FABP12: variants seen among roughly 807,000 people sequenced by gnomAD.
FABP12 encodes the protein fatty acid-binding protein 12.
Under a neutral mutation model 13.7 loss-of-function variants are expected in FABP12, and 19 were observed. The observed-to-expected ratio is 1.39, with a 90% CI of 0.97 to 2.04. FABP12 has a LOEUF of 2.04. FABP12 is among the 30% of genes most tolerant of loss of function. The pLI is 0.00. For synonymous variants in FABP12, 61 were observed against 57.0 expected, an observed-to-expected ratio of 1.07 and a Z score of -0.32; for missense variants, 182 against 164.2, an observed-to-expected ratio of 1.11 and a Z score of -0.59.
At chr8:81,549,536 C>G (rs1209514109) in intron 1 of FABP12, among the ~76,000 whole-genome samples, 1 of 152,124 alleles carries the variant, frequency 6.6e-6, no homozygotes, top group Non-Finnish European at 1.5e-5. Context: ...GAAAGAGAAG[C>G]AGCTACGTAG....
chr8:81,552,926 T>C (rs1490778837), intron 1 of FABP12, among the ~76,000 whole-genome samples: 2 of 152,182 alleles, frequency 1.3e-5, no homozygotes, highest in African/African-American at 2.4e-5. Flanking sequence ...AGTCATGTTT[T>C]AGATATGTTT....
At chr8:81,579,931 T>C (rs1810129297) in intron 1 of FABP12, among the ~76,000 whole-genome samples, 1 of 152,258 alleles carries the variant, frequency 6.6e-6, no homozygotes, top group Non-Finnish European at 1.5e-5. Context: ...TCTTATGAGC[T>C]ATTTTTACAA....
chr8:81,564,184 A>G (rs1421531448), intron 1 of FABP12, among the ~76,000 whole-genome samples: 1 of 152,200 alleles, frequency 6.6e-6, no homozygotes, highest in Non-Finnish European at 1.5e-5. Context: ...TCCAGCAAAA[A>G]TATCCTTCAA....
At chr8:81,556,879 CTTTTTTTTT>C (rs11338781) in intron 1 of FABP12, among the ~76,000 whole-genome samples, 135 of 109,266 alleles carry the variant, frequency 1.2e-3, no homozygotes, top group African/African-American at 5.0e-3. Context: ...AAGTGTACAT[CTTTTTTTTT>C]TTTTTTTTTT....
intron 1 of FABP12, among the ~76,000 whole-genome samples, chr8:81,554,754 G>A (rs1032241469): frequency 5.9e-5 from 9 of 151,880 alleles, no homozygotes; most frequent in African/African-American, 2.2e-4. Flanking sequence ...AAGAAGAATT[G>A]TCTCGGGCTA....
chr8:81,562,526 A>G (rs181315006), intron 1 of FABP12, among the ~76,000 whole-genome samples: 177 of 152,224 alleles, frequency 1.2e-3, no homozygotes, highest in African/African-American at 4.0e-3. Flanking sequence ...CCTGCCCTGG[A>G]CCAGTCAGGA....
chr8:81,580,513 A>C (rs538013991), intron 1 of FABP12, among the ~76,000 whole-genome samples: 1 of 152,278 alleles, frequency 6.6e-6, no homozygotes, highest in South Asian at 2.1e-4. Context: ...ATTTCTACAC[A>C]GGGTAAACAG....
exon 4 of FABP12, chr8:81,527,070 C>T (rs779067892): frequency 3.1e-6 from 5 of 1,612,296 alleles, no homozygotes; most frequent in South Asian, 1.1e-5. Context: ...GTTTCTTTGC[C>T]ATCCCAGTCC....
intron 1 of FABP12, among the ~76,000 whole-genome samples, chr8:81,562,477 C>T (rs1186764772): frequency 6.6e-6 from 1 of 152,152 alleles, no homozygotes; most frequent in East Asian, 1.9e-4. Flanking sequence ...TCTTGGGGTT[C>T]CCAATTCTAG....
intron 1 of FABP12, among the ~76,000 whole-genome samples, chr8:81,533,454 C>T (rs758648581): frequency 2.8e-4 from 43 of 152,302 alleles, no homozygotes; most frequent in Non-Finnish European, 5.3e-4. Flanking sequence ...GCTTTTCAGA[C>T]GATTCGCTTC....
intron 1 of FABP12, among the ~76,000 whole-genome samples, chr8:81,560,518 G>A (rs951003994): frequency 2.0e-5 from 3 of 152,098 alleles, no homozygotes; most frequent in Non-Finnish European, 1.5e-5. Flanking sequence ...TCTAAATACT[G>A]GACAGGCCAT....
At chr8:81,541,007 A>G (rs1809327453) in intron 1 of FABP12, among the ~76,000 whole-genome samples, 1 of 151,970 alleles carries the variant, frequency 6.6e-6, no homozygotes, top group African/African-American at 2.4e-5. Context: ...CTCTACTAAA[A>G]ATACAAAAAA....
At chr8:81,565,435 T>C (rs934258931) in intron 1 of FABP12, among the ~76,000 whole-genome samples, 1 of 152,094 alleles carries the variant, frequency 6.6e-6, no homozygotes, top group Non-Finnish European at 1.5e-5. Context: ...ATAAGTTAGG[T>C]CATAAAACAA....
At chr8:81,574,630 C>T (rs114684013) in intron 1 of FABP12, among the ~76,000 whole-genome samples, 2,178 of 152,080 alleles carry the variant, frequency 0.014, 40 homozygotes, top group African/African-American at 0.049. Context: ...TCTCACTGCT[C>T]GTTATTGTTC....
Position 81,566,212 on chromosome 8 carries a change from G to A in FABP12, c.-185+23841C>T, listed in dbSNP as rs147014010. 1.4e-3 allele frequency among the ~76,000 whole-genome samples: 212 copies of A among 152,008 alleles called. 2 individuals carry two copies. Among genetic ancestry groups the A allele is most frequent in the African/African-American group, 4.7e-3 (194 of 41,518 alleles). ...AAAGAATGCCATCAGTGACCCGATG[G>A]TGTCACTGTGAATTCTACCAAACAT... On this transcript the variant is annotated intron_variant, in intron 1 of 5. Transcript: ENST00000692030.
At chr8:81,589,286 G>T (rs1350732304) in intron 1 of FABP12, among the ~76,000 whole-genome samples, 2 of 152,134 alleles carry the variant, frequency 1.3e-5, no homozygotes, top group Admixed American at 6.5e-5. Flanking sequence ...CCCTGGCAGG[G>T]TCATTCATGC....
At chr8:81,566,506 G>A (rs1450743015) in intron 1 of FABP12, among the ~76,000 whole-genome samples, 1 of 151,922 alleles carries the variant, frequency 6.6e-6, no homozygotes, top group Non-Finnish European at 1.5e-5. Flanking sequence ...TCCAAAAATG[G>A]CTCAACATAT....
intron 1 of FABP12, among the ~76,000 whole-genome samples, chr8:81,543,735 C>G (rs1021225646): frequency 2.6e-5 from 4 of 152,068 alleles, no homozygotes; most frequent in Non-Finnish European, 4.4e-5. Flanking sequence ...TCAATAATTT[C>G]AATTTATCTA....
chr8:81,561,310 T>C (rs972723884), intron 1 of FABP12, among the ~76,000 whole-genome samples: 5 of 152,230 alleles, frequency 3.3e-5, no homozygotes, highest in Non-Finnish European at 5.9e-5. Context: ...AGCTTAAGTT[T>C]GAAAAGTTGA....
Sources: gnomAD v4.1 joint callset for allele counts (sites outside exome capture counted in the v4.1 genomes callset) on GRCh38, gnomAD v4.1.1 for gene constraint, MANE v1.5 for transcripts, NCBI Gene and HGNC (gene_info 2026-07-23, HGNC 2026-07-21) for gene names.